TACR1: variants seen among roughly 807,000 people sequenced by gnomAD.
TACR1 encodes the protein tachykinin receptor 1.
TACR1 carries 25 observed loss-of-function variants against 35.8 expected under a neutral mutation model. That is an observed-to-expected ratio of 0.70 (90% CI 0.51 to 0.98). TACR1 has a LOEUF of 0.98. TACR1 is among the 50% of genes least tolerant of loss of function. The probability of loss-of-function intolerance (pLI) is 0.00; values close to 1 mark genes in which losing one functional copy is unlikely to be tolerated. For missense variants in TACR1, 478 were observed against 522.9 expected, an observed-to-expected ratio of 0.91 and a Z score of 0.84; for synonymous variants, 195 against 206.7, an observed-to-expected ratio of 0.94 and a Z score of 0.48.
At chr2:75,154,406 G>GCGCGCGCGCGCGCGCGCGCGCGCGCA (rs1264139655) in intron 1 of TACR1, 6 of 78,514 alleles carry the variant, frequency 7.6e-5, no homozygotes, top group Admixed American at 2.6e-4. Context: ...CCAAGAGCGC[G>GCGCGCGCGCGCGCGCGCGCGCGCGCA]CACGCACACA....
intron 1 of TACR1, among the ~76,000 whole-genome samples, chr2:75,153,295 A>G (rs1572961280): frequency 6.6e-6 from 1 of 152,224 alleles, no homozygotes; most frequent in Non-Finnish European, 1.5e-5. Flanking sequence ...ACAAGATGCT[A>G]TGGCAAGAAA....
At chr2:75,136,119 A>G (rs1674284496) in intron 1 of TACR1, among the ~76,000 whole-genome samples, 1 of 152,166 alleles carries the variant, frequency 6.6e-6, no homozygotes. Flanking sequence ...GGGTTGGCGG[A>G]ACTTGGGCCT....
chr2:75,129,573 A>G (rs781078796), intron 1 of TACR1, among the ~76,000 whole-genome samples: 8 of 152,234 alleles, frequency 5.3e-5, no homozygotes, highest in Non-Finnish European at 7.3e-5. Flanking sequence ...CATCGTATAG[A>G]TGTATCAAAA....
chr2:75,194,520 C>A (rs1207369677), intron 1 of TACR1, among the ~76,000 whole-genome samples: 1 of 152,166 alleles, frequency 6.6e-6, no homozygotes, highest in Non-Finnish European at 1.5e-5. Flanking sequence ...GAGTGCAGGT[C>A]TAATAGAGAC....
Position 75,160,583 on chromosome 2 carries a change from A to G in TACR1, c.389+37963T>C, listed in dbSNP as rs150541885. ...ACAATTCTGAAAGAGTTAAAAATGC[A>G]GTTACAAAATCGGATTCAGCATCAG... is the stretch of plus-strand genomic sequence containing the variant. On this transcript the variant is annotated intron_variant, in intron 1 of 4. Transcript: ENST00000305249. Among the ~76,000 whole-genome samples, 833 of 151,978 alleles carry G rather than the reference A, an allele frequency of 5.5e-3. 36 individuals carry two copies. Among genetic ancestry groups the G allele is most frequent in the Admixed American group, 0.051 (771 of 15,232 alleles).
intron 1 of TACR1, among the ~76,000 whole-genome samples, chr2:75,157,077 TTTTCAGAAACAGAG>T (rs1674879466): frequency 6.6e-6 from 1 of 151,958 alleles, no homozygotes; most frequent in African/African-American, 2.4e-5. Context: ...GGATCAATGG[TTTTCAGAAACAGAG>T]GCTAGAAGGG....
At chr2:75,128,033 G>A (rs1335421362) in intron 1 of TACR1, among the ~76,000 whole-genome samples, 1 of 152,102 alleles carries the variant, frequency 6.6e-6, no homozygotes, top group South Asian at 2.1e-4. Flanking sequence ...ATCACTGGAC[G>A]GTAAGCTTCC....
chr2:75,077,910 C>T (rs1436699330), intron 2 of TACR1, among the ~76,000 whole-genome samples: 2 of 152,180 alleles, frequency 1.3e-5, no homozygotes, highest in East Asian at 1.9e-4. Flanking sequence ...TCATTTTCTT[C>T]CCATAATCAA....
rs1191759604 is a variant in TACR1 at position 75,049,626 on chromosome 2, T to G, written c.1030A>C (p.Thr344Pro). 1.2e-6 allele frequency: 2 copies of G among 1,614,082 alleles called. No individual in the cohort carries two copies. Among genetic ancestry groups the G allele is most frequent in the Admixed American group, 3.3e-5 (2 of 60,032 alleles). ...CTGACTTTGTACACACTGCCCTGGGTCTGGAGATACCGGGTGGATTTCATT... is the reference window on the plus strand; with the variant it reads ...CTGACTTTGTACACACTGCCCTGGGGCTGGAGATACCGGGTGGATTTCATT... ...LEMKSTRYLQ[T>P]QGSVYKVSRL... Residue 344 changes from threonine (T) to proline (P), a missense_variant, in exon 5 of 5, where the codon ACC (threonine) becomes CCC (proline). Transcript: ENST00000305249.
intron 1 of TACR1, among the ~76,000 whole-genome samples, chr2:75,166,255 A>G (rs1478214163): frequency 1.3e-5 from 2 of 152,234 alleles, no homozygotes; most frequent in Admixed American, 6.5e-5. Flanking sequence ...TTCAACATCC[A>G]TTTTTGATAA....
At chr2:75,142,605 A>G (rs1431044065) in intron 1 of TACR1, among the ~76,000 whole-genome samples, 1 of 152,218 alleles carries the variant, frequency 6.6e-6, no homozygotes, top group Non-Finnish European at 1.5e-5. Flanking sequence ...TGCTGGAGAC[A>G]TAAGACAGAT....
intron 2 of TACR1, among the ~76,000 whole-genome samples, chr2:75,060,118 T>C (rs1280837900): frequency 6.6e-6 from 1 of 152,174 alleles, no homozygotes; most frequent in Non-Finnish European, 1.5e-5. Context: ...CTGGGGACAC[T>C]GAGGAGAGTT....
intron 1 of TACR1, among the ~76,000 whole-genome samples, chr2:75,126,236 C>T (rs897996565): frequency 7.9e-5 from 12 of 152,056 alleles, no homozygotes; most frequent in South Asian, 4.2e-4. Context: ...TTCATGTTCC[C>T]GTAAAATACA....
rs1163118496 is a variant in TACR1 at position 75,083,317 on chromosome 2, T to C, written c.585-29562A>G. ...TTTTGGTACCAGTACCATGCTGTTT[T>C]GGTTACTGTAGCCTTGTAGTATAGT... On this transcript the variant is annotated intron_variant, in intron 2 of 4. Coordinates refer to ENST00000305249, the MANE Select transcript of TACR1 (RefSeq NM_001058.4). Among the ~76,000 whole-genome samples, 4 of 152,214 alleles carry C rather than the reference T, an allele frequency of 2.6e-5. No homozygotes were observed. In the South Asian group the frequency reaches 6.2e-4, roughly 24 times the overall value.
intron 2 of TACR1, among the ~76,000 whole-genome samples, chr2:75,078,369 C>T (rs1673018564): frequency 6.6e-6 from 1 of 151,882 alleles, no homozygotes. Flanking sequence ...GAGATTATAG[C>T]CCTCCTCACA....
chr2:75,069,531 A>G (rs1304029904), intron 2 of TACR1, among the ~76,000 whole-genome samples: 1 of 151,328 alleles, frequency 6.6e-6, no homozygotes, highest in African/African-American at 2.4e-5. Flanking sequence ...CATAGTATTA[A>G]CTGAAAGTCC....
intron 1 of TACR1, among the ~76,000 whole-genome samples, chr2:75,147,457 T>C (rs1372010652): frequency 6.6e-6 from 1 of 152,212 alleles, no homozygotes; most frequent in East Asian, 1.9e-4. Context: ...ACGTGCAGAA[T>C]GTGCAGGTTC....
At chr2:75,121,176 CT>C (rs1673964826) in intron 1 of TACR1, among the ~76,000 whole-genome samples, 1 of 152,154 alleles carries the variant, frequency 6.6e-6, no homozygotes, top group South Asian at 2.1e-4. Flanking sequence ...CAGAATAGTA[CT>C]TTTTTTCAGT....
chr2:75,108,416 T>C (rs1254592765), intron 2 of TACR1, among the ~76,000 whole-genome samples: 1 of 152,178 alleles, frequency 6.6e-6, no homozygotes, highest in Non-Finnish European at 1.5e-5. Flanking sequence ...GATATATTTT[T>C]ACAAAACTCT....
Sources: allele counts gnomAD v4.1 joint callset (sites outside exome capture counted in the v4.1 genomes callset), GRCh38; gene constraint gnomAD v4.1.1; transcripts MANE v1.5; gene names NCBI Gene and HGNC (gene_info 2026-07-23, HGNC 2026-07-21).